BMPER: variants seen among roughly 807,000 people sequenced by gnomAD.
BMPER encodes the protein BMP-binding endothelial regulator protein.
A neutral mutation model predicts 87.3 loss-of-function variants in BMPER; 45 were observed. That is an observed-to-expected ratio of 0.52 (90% CI 0.41 to 0.66). The LOEUF (loss-of-function observed/expected upper bound fraction) is 0.66. BMPER is among the 30% of genes least tolerant of loss of function. The pLI, the probability that BMPER is intolerant of heterozygous loss-of-function variation, is 0.00. For synonymous variants in BMPER, 326 were observed against 316.2 expected (o/e 1.03, Z -0.33); for missense variants, 784 against 867.5 (o/e 0.90, Z 1.21).
intron 11 of BMPER, among the ~76,000 whole-genome samples, chr7:34,074,518 G>A (rs1051878637): frequency 3.3e-5 from 5 of 152,160 alleles, no homozygotes; most frequent in Non-Finnish European, 1.5e-5. Context: ...GCATCATCAC[G>A]ACGCTTACCT....
chr7:34,021,627 A>T (rs894646931), intron 6 of BMPER, among the ~76,000 whole-genome samples: 1 of 151,882 alleles, frequency 6.6e-6, no homozygotes, highest in Non-Finnish European at 1.5e-5. Flanking sequence ...GAGAATTGTG[A>T]CTCATATTCA....
intron 14 of BMPER, among the ~76,000 whole-genome samples, chr7:34,149,804 C>T (rs1254312790): frequency 6.8e-6 from 1 of 147,340 alleles, no homozygotes; most frequent in Non-Finnish European, 1.5e-5. Flanking sequence ...TTGGAGGGAA[C>T]TGCTTCAGTC....
chr7:33,995,270 T>C lies in BMPER; in HGVS notation c.576+20486T>C, dbSNP rs144892550. Among the ~76,000 whole-genome samples, 427 of 152,290 alleles carry C rather than the reference T, an allele frequency of 2.8e-3. 4 individuals are homozygous for C. The highest frequency in any genetic ancestry group is 0.01 in the Middle Eastern group (3 of 294). ...ACATGTGTGGTACCTCATATGTATCTAGGATAAAGAGCAAGAGGCTCTCAT... is the reference window on the plus strand; with the variant it reads ...ACATGTGTGGTACCTCATATGTATCCAGGATAAAGAGCAAGAGGCTCTCAT... On this transcript the variant is annotated intron_variant, in intron 6 of 14. Transcript: ENST00000649409.
At position 34,051,850 on chromosome 7, in the gene BMPER, T is replaced by C. The variant is rs1450370998; in HGVS notation, c.677-11T>C. On this transcript the variant is annotated splice_polypyrimidine_tract_variant and intron_variant, in intron 7 of 14. Coordinates refer to ENST00000649409, the MANE Select transcript of BMPER (RefSeq NM_001365308.1). ...CTGTCTTACTTACACTGTGCTTCTGTTTCTCTCTAGGTCAGAGGAAAGTGT... is the reference window on the plus strand; with the variant it reads ...CTGTCTTACTTACACTGTGCTTCTGCTTCTCTCTAGGTCAGAGGAAAGTGT... 2 of 1,603,060 alleles carry C rather than the reference T, an allele frequency of 1.2e-6. No homozygotes were observed. The highest frequency in any genetic ancestry group is 2.7e-5 in the African/African-American group (2 of 74,642).
At chr7:34,033,938 TACTAACTA>T (rs1787596527) in intron 6 of BMPER, among the ~76,000 whole-genome samples, 8 of 152,192 alleles carry the variant, frequency 5.3e-5, no homozygotes, top group Admixed American at 5.2e-4. Context: ...TGAAATAAGG[TACTAACTA>T]AGAATGTTCA....
At chr7:33,950,512 G>T (rs981611855) in intron 3 of BMPER, among the ~76,000 whole-genome samples, 4 of 152,162 alleles carry the variant, frequency 2.6e-5, no homozygotes, top group African/African-American at 9.7e-5. Flanking sequence ...GGTCTCATCT[G>T]AGGCTCAGGG....
chr7:34,134,008 G>T (rs1790657420), intron 13 of BMPER, among the ~76,000 whole-genome samples: 2 of 152,164 alleles, frequency 1.3e-5, no homozygotes, highest in South Asian at 4.1e-4. Context: ...GGTGAAATGA[G>T]ATTTCGTGAA....
intron 3 of BMPER, among the ~76,000 whole-genome samples, chr7:33,945,016 A>G (rs907617017): frequency 2.0e-5 from 3 of 152,076 alleles, no homozygotes; most frequent in African/African-American, 7.2e-5. Context: ...ATCTTGGCTC[A>G]CTGCAAGCTC....
intron 2 of BMPER, among the ~76,000 whole-genome samples, chr7:33,919,210 T>G (rs1049207205): frequency 3.3e-5 from 5 of 152,182 alleles, no homozygotes; most frequent in African/African-American, 1.2e-4. Flanking sequence ...GTTATGAAAT[T>G]TTTGATAGTT....
At chr7:33,969,368 A>C (rs1562658875) in intron 4 of BMPER, among the ~76,000 whole-genome samples, 1 of 152,206 alleles carries the variant, frequency 6.6e-6, no homozygotes, top group Non-Finnish European at 1.5e-5. Flanking sequence ...TAGAGTCCCA[A>C]TATCAATTTG....
intron 3 of BMPER, among the ~76,000 whole-genome samples, chr7:33,952,119 C>G (rs112326399): frequency 0.013 from 1,988 of 152,200 alleles, 55 homozygotes; most frequent in African/African-American, 0.046. Context: ...GCAAAGCCAC[C>G]AGTAATATTC....
chr7:33,940,998 A>G (rs529069528), intron 3 of BMPER, among the ~76,000 whole-genome samples: 123 of 135,430 alleles, frequency 9.1e-4, no homozygotes, highest in Non-Finnish European at 1.6e-3. Flanking sequence ...ATATTTATAT[A>G]TAATTTATAT....
At chr7:34,145,710 T>G (rs1790999088) in intron 14 of BMPER, among the ~76,000 whole-genome samples, 1 of 152,224 alleles carries the variant, frequency 6.6e-6, no homozygotes, top group African/African-American at 2.4e-5. Context: ...AGCAGAATTC[T>G]ATTAATTTGA....
chr7:33,922,751 G>T (rs1784265525), intron 2 of BMPER, among the ~76,000 whole-genome samples: 1 of 152,230 alleles, frequency 6.6e-6, no homozygotes, highest in Admixed American at 6.5e-5. Context: ...GCTCAAGAGA[G>T]GGATTGCTGG....
chr7:33,974,659 T>A, intron 5 of BMPER, 43 bp from the exon 6 acceptor site: 1 of 1,577,584 alleles, frequency 6.3e-7, no homozygotes, highest in Non-Finnish European at 8.7e-7. Flanking sequence ...GGTTGAACGA[T>A]GATGGCTGTT....
At chr7:34,143,462 C>A in intron 14 of BMPER, 102 bp downstream of exon 14, 1 of 1,538,726 alleles carries the variant, frequency 6.5e-7, no homozygotes, top group Non-Finnish European at 8.8e-7. Context: ...CCACATGCCC[C>A]CTTGCCAGAG....
chr7:34,130,900 G>C (rs1790567245), intron 13 of BMPER, among the ~76,000 whole-genome samples: 1 of 152,216 alleles, frequency 6.6e-6, no homozygotes, highest in Admixed American at 6.5e-5. Flanking sequence ...CTGTCTTAGG[G>C]GAGAGGGTGA....
chr7:34,072,995 A>G (rs1788776026), intron 11 of BMPER, among the ~76,000 whole-genome samples: 1 of 152,164 alleles, frequency 6.6e-6, no homozygotes, highest in Non-Finnish European at 1.5e-5. Context: ...TTCTGAGAGC[A>G]TTCATTAATT....
intron 13 of BMPER, among the ~76,000 whole-genome samples, chr7:34,141,345 C>T (rs982168762): frequency 3.9e-5 from 6 of 152,136 alleles, no homozygotes; most frequent in African/African-American, 9.7e-5. Context: ...CACAGTGGCT[C>T]ATGCTTGTAA....
Sources: gnomAD v4.1 joint callset for allele counts (sites outside exome capture counted in the v4.1 genomes callset) on GRCh38, gnomAD v4.1.1 for gene constraint, MANE v1.5 for transcripts, NCBI Gene and HGNC (gene_info 2026-07-23, HGNC 2026-07-21) for gene names.